The following MTMR4 variants were observed in gnomAD, a reference collection of about 807,000 sequenced individuals.
MTMR4 encodes the protein myotubularin related protein 4.
Under a neutral mutation model 125.5 loss-of-function variants are expected in MTMR4, and 30 were observed. The ratio of observed to expected loss-of-function variants is 0.24; its 90% CI spans 0.18 to 0.32. The LOEUF (loss-of-function observed/expected upper bound fraction) is 0.32, where lower values mean the gene tolerates loss of function less well. Among genes scored for constraint, MTMR4 ranks in the 10% least tolerant of loss-of-function variants. The pLI, the probability that MTMR4 is intolerant of heterozygous loss-of-function variation, is 1.00. For missense variants in MTMR4, 1,039 were observed against 1,511.5 expected (o/e 0.69, Z 5.18); for synonymous variants, 498 against 564.5 (o/e 0.88, Z 1.67).
intron 15 of MTMR4, among the ~76,000 whole-genome samples, chr17:58,494,570 T>A (rs1484534098): frequency 6.6e-6 from 1 of 152,216 alleles, no homozygotes; most frequent in Non-Finnish European, 1.5e-5. Context: ...TATACTCGCA[T>A]GTCCCATCTT....
intron 17 of MTMR4, among the ~76,000 whole-genome samples, chr17:58,492,184 C>T (rs1047642294): frequency 1.3e-5 from 2 of 151,950 alleles, no homozygotes; most frequent in Non-Finnish European, 2.9e-5. Context: ...TGTTTTTTGT[C>T]CTTTTTGAGA....
chr17:58,495,732 TGGA>T lies in MTMR4; in HGVS notation c.2449_2451del (p.Ser817del), dbSNP rs752864890. 4 of 1,614,058 alleles carry T rather than the reference TGGA, an allele frequency of 2.5e-6. No homozygotes were observed. Among genetic ancestry groups the T allele is most frequent in the Non-Finnish European group, 3.4e-6 (4 of 1,180,008 alleles). ...CTGAGGCTGTGATCAAGAACACACT[TGGA>T]GGGCACACCTAGCATGGAGTCTGGC... On this transcript the variant is annotated inframe_deletion, in exon 15 of 18. Coordinates refer to ENST00000682306, the MANE Select transcript of MTMR4 (RefSeq NM_001378067.1).
intron 1 of MTMR4, among the ~76,000 whole-genome samples, chr17:58,513,195 G>A (rs540746459): frequency 2.2e-4 from 33 of 152,172 alleles, no homozygotes; most frequent in African/African-American, 7.7e-4. Flanking sequence ...CTTCAAAGAG[G>A]GACTCTCCTA....
In MTMR4 at chr17:58,494,537, G is replaced by A. The variant is rs557989183; in HGVS notation, c.3252+395C>T. Among the ~76,000 whole-genome samples, 236 of 152,194 alleles carry A rather than the reference G, an allele frequency of 1.6e-3. 1 individual carries two copies. The highest frequency in any genetic ancestry group is 2.6e-3 in the Non-Finnish European group (178 of 68,020). On this transcript the variant is annotated intron_variant, in intron 15 of 17. Coordinates refer to ENST00000682306, the MANE Select transcript of MTMR4 (RefSeq NM_001378067.1). Reference sequence around the variant, plus strand: ...TGTCTCTCATAGCCCCAGTGTAAGCGTGTATGCATGCATGTACACATATAT... The same window carrying A: ...TGTCTCTCATAGCCCCAGTGTAAGCATGTATGCATGCATGTACACATATAT...
At chr17:58,515,177 G>A (rs577938412), upstream of MTMR4, 1 of 439,614 alleles carries the variant, frequency 2.3e-6, no homozygotes, top group Non-Finnish European at 3.0e-6. Context: ...TGATCTCTGG[G>A]TAAGAAAGCC....
chr17:58,492,378 CCAGGA>C, intron 17 of MTMR4, 128 bp downstream of exon 17: 2 of 734,158 alleles, frequency 2.7e-6, no homozygotes, highest in Non-Finnish European at 4.6e-6. Context: ...ACCATGTTGG[CCAGGA>C]TGGTCTCAAT....
upstream of MTMR4, among the ~76,000 whole-genome samples, chr17:58,518,275 T>G (rs141020334): frequency 5.9e-5 from 9 of 152,278 alleles, no homozygotes; most frequent in African/African-American, 2.2e-4. Context: ...GTAGGTTACA[T>G]GCCTAAAGCC....
chr17:58,512,558 C>T lies in MTMR4; in HGVS notation c.136-52G>A. ...TCCAGAAGTGAGTGACCACCTTATCCTCTTCTACAGCCCCTGATCTGTGGG... is the reference window on the plus strand; with the variant it reads ...TCCAGAAGTGAGTGACCACCTTATCTTCTTCTACAGCCCCTGATCTGTGGG... On this transcript the variant is annotated intron_variant, in intron 2 of 17. Transcript: ENST00000682306. The surrounding 1 kb of genome is among the most constrained non-coding windows in gnomAD (Gnocchi z 4.1). 7.1e-7 allele frequency: 1 copy of T among 1,399,538 alleles called. No individual in the cohort carries two copies. The allele number at this position is 1,399,538 out of a possible 1,614,324, so 86.7% of individuals were successfully genotyped here.
intron 4 of MTMR4, chr17:58,510,962 A>G (rs1407343577): frequency 6.6e-6 from 1 of 152,144 alleles, no homozygotes; most frequent in Non-Finnish European, 1.5e-5. Context: ...CTATCATTTC[A>G]CAAATTTTAC....
chr17:58,503,616 C>T (rs568340141), intron 14 of MTMR4, 128 bp downstream of exon 14: 2 of 1,219,402 alleles, frequency 1.6e-6, no homozygotes, highest in Non-Finnish European at 2.3e-6. Flanking sequence ...ACCACTGGCA[C>T]TCCACCCTGG....
intron 14 of MTMR4, 86 bp downstream of exon 14, chr17:58,503,654 AAAAG>A (rs1232273097): frequency 2.7e-5 from 40 of 1,459,066 alleles, no homozygotes; most frequent in African/African-American, 1.9e-4. Context: ...CGTCTCAAAA[AAAAG>A]AAAGAAAGAG....
At chr17:58,492,770 T>G in intron 16 of MTMR4, 72 bp downstream of exon 16, 6 of 1,437,228 alleles carry the variant, frequency 4.2e-6, no homozygotes, top group Non-Finnish European at 4.9e-6. Context: ...CTACAGCATG[T>G]CATTCATCTC....
At chr17:58,501,383 C>G (rs957635554) in intron 14 of MTMR4, among the ~76,000 whole-genome samples, 1 of 151,878 alleles carries the variant, frequency 6.6e-6, no homozygotes, top group African/African-American at 2.4e-5. Flanking sequence ...TAATTAGCTA[C>G]CTGGGAGGCT....
At position 58,506,756 on chromosome 17, in the gene MTMR4, G is replaced by A. The variant is rs776421115; in HGVS notation, c.1020C>T (p.Gly340=). 5.6e-6 allele frequency: 9 copies of A among 1,613,732 alleles called. No homozygotes were observed. Among genetic ancestry groups the A allele is most frequent in the African/African-American group, 2.7e-5 (2 of 74,894 alleles). ...AAVANRAKGG[G]CECEEYYPNC... Reference sequence around the variant, plus strand: ...TAACAGCAATACCTTCACATTCACAGCCTCCACCCTTGGCCCGGTTGGCCA... The same window carrying A: ...TAACAGCAATACCTTCACATTCACAACCTCCACCCTTGGCCCGGTTGGCCA... The change falls in exon 9 of 18, where the codon GGC becomes GGT. Residue 340 remains glycine (G), a synonymous_variant. Coordinates refer to ENST00000682306, the MANE Select transcript of MTMR4 (RefSeq NM_001378067.1).
intron 9 of MTMR4, among the ~76,000 whole-genome samples, chr17:58,506,338 C>T (rs1391233468): frequency 6.6e-6 from 1 of 152,136 alleles, no homozygotes; most frequent in African/African-American, 2.4e-5. Context: ...CAGGCATGCA[C>T]CATCATGCCC....
upstream of MTMR4, chr17:58,514,652 G>A (rs1346614249): frequency 2.0e-6 from 2 of 985,342 alleles, no homozygotes; most frequent in Non-Finnish European, 2.4e-6. Flanking sequence ...CAGGCGAGGG[G>A]AGAGCCCGGG....
chr17:58,513,466 C>T (rs562087431), intron 1 of MTMR4, among the ~76,000 whole-genome samples: 3 of 152,228 alleles, frequency 2.0e-5, no homozygotes, highest in Non-Finnish European at 2.9e-5. Flanking sequence ...CCTTCACCGA[C>T]GCTTTCAAAA....
chr17:58,504,638 G>C lies in MTMR4; in HGVS notation c.1341+141C>G. On this transcript the variant is annotated intron_variant, in intron 11 of 17. Transcript: ENST00000682306. This position sits in a 1 kb window ranked among gnomAD's most constrained non-coding sequence, Gnocchi z 7.1. Reference sequence around the variant, plus strand: ...GGACTCAAAGCCACCAATTTTCCAAGCCTTTGGGAGTTGGAAAAAAAAAGA... The same window carrying C: ...GGACTCAAAGCCACCAATTTTCCAACCCTTTGGGAGTTGGAAAAAAAAAGA... The C allele has an allele frequency of 7.4e-7, 1 of 1,344,346 alleles. No homozygotes were observed. Among genetic ancestry groups the C allele is most frequent in the Non-Finnish European group, 1.0e-6 (1 of 985,292 alleles). 83.3% of individuals were successfully genotyped at this position (1,344,346 alleles called of 1,614,324 possible).
Position 58,491,512 on chromosome 17 carries a change from G to C in MTMR4, c.*151C>G. On this transcript the variant is annotated 3_prime_UTR_variant, in exon 18 of 18. Coordinates refer to ENST00000682306, the MANE Select transcript of MTMR4 (RefSeq NM_001378067.1). ...CCTCCTGCTAAATTGCAATTCCTCTGCTCCAGTTTCATGATACCAAGGAGG... is the reference window on the plus strand; with the variant it reads ...CCTCCTGCTAAATTGCAATTCCTCTCCTCCAGTTTCATGATACCAAGGAGG... 2.6e-6 allele frequency: 2 copies of C among 779,922 alleles called. No homozygotes were observed. Among genetic ancestry groups the C allele is most frequent in the South Asian group, 2.0e-5 (1 of 49,938 alleles). The allele number at this position is 779,922 out of a possible 1,614,324, so 48.3% of individuals were successfully genotyped here. A position where few individuals can be genotyped will look rare whatever the true frequency, so the allele number is the denominator to read the frequency against.
Sources: gnomAD v4.1 joint callset for allele counts (sites outside exome capture counted in the v4.1 genomes callset) on GRCh38, gnomAD v4.1.1 for gene constraint, Gnocchi (gnomAD v3.1) non-coding constraint, MANE v1.5 for transcripts, NCBI Gene and HGNC (gene_info 2026-07-23, HGNC 2026-07-21) for gene names.